Variants in PPP3CA observed in about 807,000 individuals in gnomAD.
PPP3CA encodes the protein CAM-PRP catalytic subunit.
In PPP3CA, 14 loss-of-function variants were observed where a neutral mutation model predicts 66.5. The observed-to-expected ratio is 0.21, with a 90% CI of 0.14 to 0.33. The LOEUF (loss-of-function observed/expected upper bound fraction) is 0.33. Ranked by LOEUF, PPP3CA falls within the 10% of genes least tolerant of loss-of-function variation. The probability of loss-of-function intolerance (pLI) is 1.00; values close to 1 mark genes in which losing one functional copy is unlikely to be tolerated. For missense variants in PPP3CA, 317 were observed against 639.5 expected (o/e 0.50, Z 5.44); for synonymous variants, 232 against 226.2 (o/e 1.03, Z -0.23).
In PPP3CA at chr4:101,333,270, G is replaced by GTTTTTTTTTTTTTT. The variant is rs70961788; in HGVS notation, c.58+13455_58+13468dup. 2.3e-4 allele frequency among the ~76,000 whole-genome samples: 11 copies of GTTTTTTTTTTTTTT among 47,268 alleles called. 1 individual carries two copies. The highest frequency in any genetic ancestry group is 4.0e-4 in the Non-Finnish European group (8 of 20,152). The allele number at this position is 47,268 out of a possible 152,430, so 31.0% of individuals were successfully genotyped here. A position where few individuals can be genotyped will look rare whatever the true frequency, so the allele number is the denominator to read the frequency against. Reference sequence around the variant, plus strand: ...CTACAGGCATGCACTACCATGCCCAGTTTTTTTTTTTTTTTTTTTTTTTTT... The same window carrying GTTTTTTTTTTTTTT: ...CTACAGGCATGCACTACCATGCCCAGTTTTTTTTTTTTTTTTTTTTTTTTTTTTTTTTTTTTTTT... On this transcript the variant is annotated intron_variant, in intron 1 of 13. Transcript: ENST00000394854.
chr4:101,165,389 T>C lies in PPP3CA; in HGVS notation c.259+30527A>G, dbSNP rs570420754. ...ATTCTTTGTACAAACAGTAAAACAT[T>C]TGCTATGTCTATTTTTTTACCTGTA... On this transcript the variant is annotated intron_variant, in intron 2 of 13. Coordinates refer to ENST00000394854, the MANE Select transcript of PPP3CA (RefSeq NM_000944.5). Among the ~76,000 whole-genome samples, 8 of 148,634 alleles carry C rather than the reference T, an allele frequency of 5.4e-5. No individual in the cohort carries two copies. In the East Asian group the frequency reaches 1.4e-3, roughly 27 times the overall value.
At chr4:101,234,655 T>TA (rs943658095) in intron 1 of PPP3CA, among the ~76,000 whole-genome samples, 1 of 151,806 alleles carries the variant, frequency 6.6e-6, no homozygotes, top group African/African-American at 2.4e-5. Context: ...TTTATTTTTT[T>TA]ATCACAAAGT....
At chr4:101,076,325 C>T (rs1202951766) in intron 8 of PPP3CA, among the ~76,000 whole-genome samples, 1 of 150,664 alleles carries the variant, frequency 6.6e-6, no homozygotes, top group Non-Finnish European at 1.5e-5. Flanking sequence ...AAAAAAAATG[C>T]TTAAATCAAT....
chr4:101,343,091 A>C (rs1729868581), intron 1 of PPP3CA, among the ~76,000 whole-genome samples: 1 of 152,160 alleles, frequency 6.6e-6, no homozygotes, highest in African/African-American at 2.4e-5. Context: ...ATAGTTTCTG[A>C]GAGATTCCAC....
intron 11 of PPP3CA, among the ~76,000 whole-genome samples, chr4:101,037,510 C>T (rs192762193): frequency 2.0e-5 from 3 of 152,230 alleles, no homozygotes; most frequent in Admixed American, 2.0e-4. Flanking sequence ...TGTATTTGTC[C>T]TTTCCTTTGC....
rs1382347851 is a variant in PPP3CA, at chr4:101,024,499, T to TTTTG, written c.*1362_*1365dup. The TTTTG allele has an allele frequency of 6.6e-6, 1 of 152,652 alleles. No homozygotes were observed. Among genetic ancestry groups the TTTTG allele is most frequent in the East Asian group, 1.9e-4 (1 of 5,196 alleles). The allele number at this position is 152,652 out of a possible 1,614,324, so 9.5% of individuals were successfully genotyped here. ...CAATTGTTAAAAAATATGAATGGAC[T>TTTTG]TTTGTTGTTGTTGTTTTCAGAATGA... is the stretch of plus-strand genomic sequence containing the variant. On this transcript the variant is annotated 3_prime_UTR_variant, in exon 14 of 14. Coordinates refer to ENST00000394854, the MANE Select transcript of PPP3CA (RefSeq NM_000944.5).
At chr4:101,110,193 A>G (rs943472547) in intron 2 of PPP3CA, among the ~76,000 whole-genome samples, 7 of 152,232 alleles carry the variant, frequency 4.6e-5, no homozygotes. Context: ...AGTTACACAG[A>G]ATGAACGCAT....
intron 2 of PPP3CA, among the ~76,000 whole-genome samples, chr4:101,182,332 A>C (rs184762144): frequency 6.6e-6 from 1 of 152,192 alleles, no homozygotes; most frequent in African/African-American, 2.4e-5. Context: ...TAAATAAAAC[A>C]GGCTTAAGTA....
intron 2 of PPP3CA, among the ~76,000 whole-genome samples, chr4:101,180,465 T>G (rs1724199557): frequency 6.6e-6 from 1 of 152,172 alleles, no homozygotes. Context: ...TGCATGTGAA[T>G]CCACATTTAA....
rs1578643997 is a variant in PPP3CA, at chr4:101,299,853, T to A, written c.58+46886A>T. Among the ~76,000 whole-genome samples, 4 of 152,174 alleles carry A rather than the reference T, an allele frequency of 2.6e-5. 1 individual carries two copies. The South Asian group carries it at 8.3e-4, about 31-fold the overall frequency. The stretch of plus-strand genomic sequence containing the variant: ...CCATGTTTACACTGTCTGCCCTATA[T>A]CATCAAGGACCAGCATGCCACATAG... On this transcript the variant is annotated intron_variant, in intron 1 of 13. Coordinates refer to ENST00000394854, the MANE Select transcript of PPP3CA (RefSeq NM_000944.5).
intron 2 of PPP3CA, among the ~76,000 whole-genome samples, chr4:101,131,283 A>T (rs959865946): frequency 1.6e-4 from 24 of 151,092 alleles, no homozygotes; most frequent in African/African-American, 5.3e-4. Flanking sequence ...TAAATAAAAT[A>T]AAAAGGCACA....
intron 1 of PPP3CA, among the ~76,000 whole-genome samples, chr4:101,278,024 GA>G (rs1271120160): frequency 6.7e-6 from 1 of 148,494 alleles, no homozygotes; most frequent in African/African-American, 2.5e-5. Flanking sequence ...TCACAACATT[GA>G]ATCTAGCATA....
intron 2 of PPP3CA, among the ~76,000 whole-genome samples, chr4:101,146,964 G>A (rs1337507383): frequency 6.6e-6 from 1 of 152,134 alleles, no homozygotes; most frequent in African/African-American, 2.4e-5. Flanking sequence ...TCAAGCTCTG[G>A]ATTAGGGATG....
intron 2 of PPP3CA, among the ~76,000 whole-genome samples, chr4:101,134,249 T>C (rs1442839701): frequency 6.6e-6 from 1 of 152,026 alleles, no homozygotes; most frequent in Non-Finnish European, 1.5e-5. Context: ...TAGGATCTAA[T>C]TAAACTAAAG....
chr4:101,316,661 G>A (rs1332862102), intron 1 of PPP3CA, among the ~76,000 whole-genome samples: 1 of 152,136 alleles, frequency 6.6e-6, no homozygotes, highest in Non-Finnish European at 1.5e-5. Flanking sequence ...GAATCCAGAA[G>A]AAAATGCAAA....
chr4:101,065,454 ATAT>A (rs1253274907), intron 8 of PPP3CA, among the ~76,000 whole-genome samples: 1 of 152,088 alleles, frequency 6.6e-6, no homozygotes, highest in Admixed American at 6.6e-5. Flanking sequence ...AGGAAAGTAA[ATAT>A]TATAATTAAC....
At chr4:101,029,379 A>AC (rs1726832164) in intron 12 of PPP3CA, among the ~76,000 whole-genome samples, 184 bp from the exon 13 acceptor site, 1 of 148,274 alleles carries the variant, frequency 6.7e-6, no homozygotes, top group African/African-American at 2.6e-5. Flanking sequence ...AAAAGAAAAA[A>AC]AATGCCACAG....
chr4:101,038,790 A>G (rs768038835), intron 11 of PPP3CA, among the ~76,000 whole-genome samples: 3 of 152,202 alleles, frequency 2.0e-5, no homozygotes, highest in Non-Finnish European at 4.4e-5. Flanking sequence ...AGCTTAACTT[A>G]CTTTTTTCTG....
intron 1 of PPP3CA, among the ~76,000 whole-genome samples, chr4:101,263,518 C>T (rs1183420174): frequency 6.6e-6 from 1 of 152,054 alleles, no homozygotes; most frequent in East Asian, 1.9e-4. Context: ...GTGTTCCTTA[C>T]TGTCAATTAA....
Sources: allele counts gnomAD v4.1 joint callset (sites outside exome capture counted in the v4.1 genomes callset), GRCh38; gene constraint gnomAD v4.1.1; transcripts MANE v1.5; gene names NCBI Gene and HGNC (gene_info 2026-07-23, HGNC 2026-07-21).